ERBIN: variants seen among roughly 807,000 people sequenced by gnomAD.
ERBIN encodes the protein densin-180-like protein.
Under a neutral mutation model 158.4 loss-of-function variants are expected in ERBIN, and 60 were observed. The observed-to-expected ratio is 0.38, with a 90% CI of 0.31 to 0.47. ERBIN has a LOEUF of 0.47. Among genes scored for constraint, ERBIN ranks in the 20% least tolerant of loss-of-function variants. ERBIN has a pLI of 0.99. For missense variants in ERBIN, 1,610 were observed against 1,648.0 expected, an observed-to-expected ratio of 0.98 and a Z score of 0.40; for synonymous variants, 594 against 557.2, an observed-to-expected ratio of 1.07 and a Z score of -0.93.
chr5:66,060,195 AATT>A (rs1561441887), intron 21 of ERBIN, among the ~76,000 whole-genome samples: 1 of 152,072 alleles, frequency 6.6e-6, no homozygotes, highest in Non-Finnish European at 1.5e-5. Flanking sequence ...GTAAGCTATT[AATT>A]ATTGCCTCAA....
At chr5:66,053,184 T>A (rs1274984500) in intron 20 of ERBIN, among the ~76,000 whole-genome samples, 1 of 152,174 alleles carries the variant, frequency 6.6e-6, no homozygotes, top group African/African-American at 2.4e-5. Context: ...CTTGGTATTA[T>A]CTATGAATTT....
chr5:65,953,399 C>A (rs1746742880), intron 1 of ERBIN, among the ~76,000 whole-genome samples: 1 of 152,134 alleles, frequency 6.6e-6, no homozygotes, highest in South Asian at 2.1e-4. Flanking sequence ...TTAGACAAGT[C>A]CTCTTGGCGC....
At chr5:65,979,732 T>C (rs1241433296) in intron 1 of ERBIN, among the ~76,000 whole-genome samples, 1 of 152,216 alleles carries the variant, frequency 6.6e-6, no homozygotes, top group Non-Finnish European at 1.5e-5. Flanking sequence ...TTAATAGCAG[T>C]TCTATGATAA....
At chr5:65,999,885 A>G (rs1291152035) in intron 4 of ERBIN, among the ~76,000 whole-genome samples, 2 of 152,216 alleles carry the variant, frequency 1.3e-5, no homozygotes, top group African/African-American at 2.4e-5. Context: ...TCAGATCTCT[A>G]TGGATGTTGA....
intron 4 of ERBIN, 96 bp from the exon 5 acceptor site, chr5:66,011,953 T>C (rs1360537266): frequency 3.0e-6 from 2 of 674,424 alleles, no homozygotes; most frequent in African/African-American, 3.6e-5. Context: ...TTAATTGGTA[T>C]ATTACTTTAG....
chr5:65,944,097 G>C (rs567097198), intron 1 of ERBIN, among the ~76,000 whole-genome samples: 22 of 152,126 alleles, frequency 1.4e-4, no homozygotes, highest in African/African-American at 5.1e-4. Flanking sequence ...GGATAATGCT[G>C]TATGAACATG....
intron 21 of ERBIN, among the ~76,000 whole-genome samples, chr5:66,061,677 G>T (rs1224121300): frequency 6.6e-6 from 1 of 152,178 alleles, no homozygotes; most frequent in East Asian, 1.9e-4. Flanking sequence ...TGCAGTGGCT[G>T]GTACCGGTTG....
intron 9 of ERBIN, 90 bp downstream of exon 9, chr5:66,023,454 A>T: frequency 1.4e-6 from 1 of 707,382 alleles, no homozygotes; most frequent in Non-Finnish European, 2.3e-6. Flanking sequence ...ACTTTTAATT[A>T]ATAAAAAAAT....
At chr5:65,943,881 C>T (rs1183188891) in intron 1 of ERBIN, among the ~76,000 whole-genome samples, 1 of 152,150 alleles carries the variant, frequency 6.6e-6, no homozygotes, top group Non-Finnish European at 1.5e-5. Context: ...CTGGCAGCTA[C>T]CATTTAACTT....
At chr5:66,023,072 C>T in intron 8 of ERBIN, 1 of 399,492 alleles carries the variant, frequency 2.5e-6, no homozygotes, top group Non-Finnish European at 4.4e-6. Context: ...TTGATTTCTC[C>T]ATTAATAATT....
At position 66,044,328 on chromosome 5, in the gene ERBIN, G is replaced by A. The variant is rs1354274751; in HGVS notation, c.1602+18G>A. 1 of 1,571,028 alleles carries A rather than the reference G, an allele frequency of 6.4e-7. No homozygotes were observed. Among genetic ancestry groups the A allele is most frequent in the South Asian group, 1.2e-5 (1 of 82,884 alleles). ...GTGTGAAGGTTAGAAAATTCAAAAG[G>A]ATTAACCAAAGCCTATTTCAAGTTC... On this transcript the variant is annotated intron_variant, in intron 17 of 25. Coordinates refer to ENST00000284037, the MANE Select transcript of ERBIN (RefSeq NM_001253697.2).
intron 1 of ERBIN, among the ~76,000 whole-genome samples, chr5:65,975,141 G>A (rs931229470): frequency 5.3e-5 from 8 of 151,872 alleles, no homozygotes; most frequent in African/African-American, 1.5e-4. Context: ...TCGAATAGCT[G>A]GGATTACAGG....
At chr5:65,946,605 G>GC (rs2150905929) in intron 1 of ERBIN, among the ~76,000 whole-genome samples, 1 of 152,286 alleles carries the variant, frequency 6.6e-6, no homozygotes, top group East Asian at 1.9e-4. Flanking sequence ...TATTCATGTA[G>GC]AGGTTTTTCT....
intron 8 of ERBIN, chr5:66,022,758 C>T (rs1270389840): frequency 6.6e-6 from 1 of 152,256 alleles, no homozygotes; most frequent in Non-Finnish European, 1.5e-5. Flanking sequence ...GTTTAAATTA[C>T]AGTATATTTG....
intron 1 of ERBIN, among the ~76,000 whole-genome samples, chr5:65,986,237 A>G (rs1355882667): frequency 6.6e-6 from 1 of 152,208 alleles, no homozygotes; most frequent in Admixed American, 6.5e-5. Flanking sequence ...TCCTACTCAG[A>G]TATCTTTCAA....
At chr5:66,038,312 T>G in intron 14 of ERBIN, 71 bp from the exon 15 acceptor site, 2 of 957,034 alleles carry the variant, frequency 2.1e-6, no homozygotes, top group South Asian at 3.1e-5. Flanking sequence ...TGTGTACTTA[T>G]GCAGAGGAAT....
intron 21 of ERBIN, among the ~76,000 whole-genome samples, chr5:66,059,032 T>A (rs1188747010): frequency 1.3e-5 from 2 of 152,120 alleles, no homozygotes; most frequent in African/African-American, 4.8e-5. Flanking sequence ...TCTTTTTTGG[T>A]TCCATATGAA....
At chr5:66,069,095 C>T (rs1054496367) in intron 21 of ERBIN, 11 of 1,330,702 alleles carry the variant, frequency 8.3e-6, no homozygotes, top group African/African-American at 1.5e-5. Flanking sequence ...TTTAATGTTT[C>T]CAGGAAAAAA....
At chr5:66,012,439 C>CTTCA (rs2151104792) in intron 5 of ERBIN, among the ~76,000 whole-genome samples, 2 of 152,206 alleles carry the variant, frequency 1.3e-5, no homozygotes, top group African/African-American at 4.8e-5. Context: ...GTGTCTTTGC[C>CTTCA]TTCAAATCAG....
Sources: gnomAD v4.1 joint callset for allele counts (sites outside exome capture counted in the v4.1 genomes callset) on GRCh38, gnomAD v4.1.1 for gene constraint, MANE v1.5 for transcripts, NCBI Gene and HGNC (gene_info 2026-07-23, HGNC 2026-07-21) for gene names.